TMEM108: variants seen among roughly 807,000 people sequenced by gnomAD.
The protein encoded by TMEM108 is cancer/testis antigen 124.
TMEM108 carries 12 observed loss-of-function variants against 35.1 expected under a neutral mutation model. That is an observed-to-expected ratio of 0.34 (90% CI 0.22 to 0.55). The LOEUF (loss-of-function observed/expected upper bound fraction) is 0.55, where lower values mean the gene tolerates loss of function less well. Ranked by LOEUF, TMEM108 falls within the 20% of genes least tolerant of loss-of-function variation. TMEM108 has a pLI of 0.89. For synonymous variants in TMEM108, 287 were observed against 308.6 expected, an observed-to-expected ratio of 0.93 and a Z score of 0.73; for missense variants, 680 against 753.3, an observed-to-expected ratio of 0.90 and a Z score of 1.14.
chr3:133,154,140 G>T (rs1039282770), intron 2 of TMEM108, among the ~76,000 whole-genome samples: 3 of 151,760 alleles, frequency 2.0e-5, no homozygotes, highest in Non-Finnish European at 4.4e-5. Flanking sequence ...GGGGTTGTTT[G>T]TTTTTTTCTT....
chr3:133,058,770 C>T (rs956390350), intron 2 of TMEM108, among the ~76,000 whole-genome samples: 17 of 152,122 alleles, frequency 1.1e-4, no homozygotes, highest in Admixed American at 7.2e-4. Flanking sequence ...ATTTTGTTTC[C>T]CCAATTAGAT....
chr3:133,109,580 A>T (rs945630189), intron 2 of TMEM108, among the ~76,000 whole-genome samples: 2 of 152,234 alleles, frequency 1.3e-5, no homozygotes, highest in Non-Finnish European at 2.9e-5. Flanking sequence ...TATTCCTTGG[A>T]AACTTTATGC....
At chr3:133,197,206 G>C (rs961106235) in intron 2 of TMEM108, among the ~76,000 whole-genome samples, 2 of 152,184 alleles carry the variant, frequency 1.3e-5, no homozygotes, top group African/African-American at 4.8e-5. Context: ...CTGAGGAATA[G>C]GAAACATTTT....
chr3:133,282,970 G>T (rs1441515358), intron 3 of TMEM108, among the ~76,000 whole-genome samples: 1 of 152,170 alleles, frequency 6.6e-6, no homozygotes, highest in Non-Finnish European at 1.5e-5. Flanking sequence ...TTGTGTGAAG[G>T]CTTATCTTAG....
chr3:133,163,528 G>A (rs1944991600), intron 2 of TMEM108, among the ~76,000 whole-genome samples: 3 of 152,208 alleles, frequency 2.0e-5, no homozygotes, highest in African/African-American at 7.2e-5. Flanking sequence ...CAGCAGAGGG[G>A]TAGAGGAAGG....
chr3:133,281,261 G>A (rs745406532), intron 3 of TMEM108, among the ~76,000 whole-genome samples: 42 of 152,200 alleles, frequency 2.8e-4, no homozygotes, highest in Non-Finnish European at 4.0e-4. Flanking sequence ...TCAGATCAAA[G>A]CGGGAAAATG....
chr3:133,228,286 T>C (rs1946103605), intron 2 of TMEM108, among the ~76,000 whole-genome samples: 2 of 152,152 alleles, frequency 1.3e-5, no homozygotes, highest in Admixed American at 1.3e-4. Context: ...TTAAAGAATG[T>C]AAATTTTAAA....
chr3:133,388,502 A>G, intron 4 of TMEM108: 1 of 985,344 alleles, frequency 1.0e-6, no homozygotes, highest in South Asian at 4.7e-5. Flanking sequence ...GGGAAAGAGG[A>G]AAGAGATCCA....
chr3:133,039,687 A>G (rs1162948727), intron 1 of TMEM108, among the ~76,000 whole-genome samples: 2 of 152,198 alleles, frequency 1.3e-5, no homozygotes, highest in East Asian at 3.8e-4. Context: ...AAATGGTTCA[A>G]CTAACTCATT....
In TMEM108 at chr3:133,207,655, A is replaced by G. The variant is rs907269592; in HGVS notation, c.-46-21611A>G. ...GTGAAAGGTCTAGTTCTTAATGGTT[A>G]TATGTAACCACAACAGAGACAAGAA... On this transcript the variant is annotated intron_variant, in intron 2 of 5. Transcript: ENST00000321871. Among the ~76,000 whole-genome samples the G allele has an allele frequency of 7.2e-5, 11 of 152,284 alleles. No individual in the cohort carries two copies. In the South Asian group the frequency reaches 1.2e-3, roughly 17 times the overall value.
At chr3:133,315,334 C>G (rs770465157) in intron 3 of TMEM108, among the ~76,000 whole-genome samples, 2 of 152,180 alleles carry the variant, frequency 1.3e-5, no homozygotes, top group African/African-American at 2.4e-5. Context: ...TTATAGGTCC[C>G]TGGGGAGGGT....
In TMEM108 at chr3:133,387,905, G is replaced by T. The variant is rs750001886; in HGVS notation, c.1451-2275G>T. On this transcript the variant is annotated intron_variant, in intron 4 of 5. Transcript: ENST00000321871. ...ACTTTGATTCTGTTTGCTTATAACT[G>T]CTCAGTAGATCAGAGGCACAAATAT... 8.9e-5 allele frequency: 88 copies of T among 985,288 alleles called. No homozygotes were observed. The Admixed American group carries it at 1.7e-3, about 19-fold the overall frequency. 61.0% of individuals were successfully genotyped at this position (985,288 alleles called of 1,614,324 possible).
At chr3:133,291,252 C>T (rs945586979) in intron 3 of TMEM108, among the ~76,000 whole-genome samples, 6 of 138,558 alleles carry the variant, frequency 4.3e-5, no homozygotes, top group Non-Finnish European at 4.9e-5. Flanking sequence ...AAATTACCAC[C>T]GTGGAGTTTT....
intron 3 of TMEM108, among the ~76,000 whole-genome samples, chr3:133,242,425 G>C (rs1576406031): frequency 1.3e-5 from 2 of 152,324 alleles, no homozygotes; most frequent in Admixed American, 1.3e-4. Context: ...TTTTGGAGAA[G>C]TTTAACCATA....
chr3:133,357,221 C>T (rs1429242549), intron 3 of TMEM108, among the ~76,000 whole-genome samples: 2 of 152,066 alleles, frequency 1.3e-5, no homozygotes, highest in South Asian at 2.1e-4. Context: ...TAATTAAAAC[C>T]GCAGTGAGAT....
chr3:133,196,195 T>C (rs544632380), intron 2 of TMEM108, among the ~76,000 whole-genome samples: 1 of 152,300 alleles, frequency 6.6e-6, no homozygotes, highest in Non-Finnish European at 1.5e-5. Flanking sequence ...GAAATTCTTT[T>C]TGAAGGAGGT....
chr3:133,267,356 G>A lies in TMEM108; in HGVS notation c.40+38005G>A, dbSNP rs535629228. 1.3e-4 allele frequency among the ~76,000 whole-genome samples: 20 copies of A among 152,256 alleles called. No individual in the cohort carries two copies. In the East Asian group the frequency reaches 1.9e-3, roughly 15 times the overall value. On this transcript the variant is annotated intron_variant, in intron 3 of 5. Transcript: ENST00000321871. ...GCCCAGGGCATCATGGCAGCCCAGC[G>A]GAGAGGCGTCTGCTCAAATCTTGCA... is the stretch of plus-strand genomic sequence containing the variant.
intron 2 of TMEM108, among the ~76,000 whole-genome samples, chr3:133,094,360 G>A (rs761903547): frequency 2.8e-4 from 43 of 151,836 alleles, no homozygotes; most frequent in Non-Finnish European, 5.4e-4. Context: ...TACCAGCCCC[G>A]TGGCCTTGGA....
intron 2 of TMEM108, among the ~76,000 whole-genome samples, chr3:133,061,472 C>G (rs886716595): frequency 3.9e-5 from 6 of 152,104 alleles, no homozygotes; most frequent in Non-Finnish European, 1.5e-5. Context: ...CTCGGCCTCC[C>G]AAAGTGCTGG....
Sources: allele counts gnomAD v4.1 joint callset (sites outside exome capture counted in the v4.1 genomes callset), GRCh38; gene constraint gnomAD v4.1.1; transcripts MANE v1.5; gene names NCBI Gene and HGNC (gene_info 2026-07-23, HGNC 2026-07-21).